Variants in ERN1 observed in about 807,000 individuals in gnomAD.
The protein encoded by ERN1 is endoplasmic reticulum to nucleus signaling 1.
Under a neutral mutation model 113.1 loss-of-function variants are expected in ERN1, and 39 were observed. That is an observed-to-expected ratio of 0.34 (90% CI 0.27 to 0.45). The LOEUF is 0.45. Among genes scored for constraint, ERN1 ranks in the 20% least tolerant of loss-of-function variants. The pLI is 1.00. For synonymous variants in ERN1, 507 were observed against 515.9 expected (o/e 0.98, Z 0.23); for missense variants, 976 against 1,274.8 (o/e 0.77, Z 3.57).
At position 64,044,126 on chromosome 17, in the gene ERN1, G is replaced by A; in HGVS notation, c.2796C>T (p.Tyr932=). The A allele has an allele frequency of 1.2e-6, 2 of 1,610,258 alleles. No individual in the cohort carries two copies. The highest frequency in any genetic ancestry group is 1.7e-6 in the Non-Finnish European group (2 of 1,177,830). The part of the protein sequence containing the change: ...LGSLPDDFVC[Y]FTSRFPHLLA... ...GGAGGTGGGGGAAGCGAGATGTGAA[G>A]TAGCACACGAAGTCGTCGGGGAGGG... Residue 932 remains tyrosine (Y), a synonymous_variant, in exon 22 of 22, where the codon TAC becomes TAT. Coordinates refer to ENST00000433197, the MANE Select transcript of ERN1 (RefSeq NM_001433.5). The surrounding 1 kb of genome is among the most constrained non-coding windows in gnomAD (Gnocchi z 4.1).
Position 64,039,888 on chromosome 17 carries a change from T to C in ERN1, c.*4100A>G, listed in dbSNP as rs1481563239. On this transcript the variant is annotated 3_prime_UTR_variant, in exon 22 of 22. Coordinates refer to ENST00000433197, the MANE Select transcript of ERN1 (RefSeq NM_001433.5). ...GGGAGGCTCACTGCAGTCACGTTCTTTGTGGCTTTCCAACGTCTACAGAAA... is the reference window on the plus strand; with the variant it reads ...GGGAGGCTCACTGCAGTCACGTTCTCTGTGGCTTTCCAACGTCTACAGAAA... 1 of 152,210 alleles carries C rather than the reference T, an allele frequency of 6.6e-6. No homozygotes were observed. The highest frequency in any genetic ancestry group is 1.5e-5 in the Non-Finnish European group (1 of 68,044). 9.4% of individuals were successfully genotyped at this position (152,210 alleles called of 1,614,324 possible). A position where few individuals can be genotyped will look rare whatever the true frequency, so the allele number is the denominator to read the frequency against.
At chr17:64,080,858 A>T in intron 2 of ERN1, 50 bp from the exon 3 acceptor site, 1 of 1,579,722 alleles carries the variant, frequency 6.3e-7, no homozygotes. Flanking sequence ...CAAAATGTCA[A>T]GATTCCCAGA....
In ERN1 at chr17:64,044,010, G is replaced by C. The variant is rs551030753; in HGVS notation, c.2912C>G (p.Pro971Arg). The C allele has an allele frequency of 6.2e-7, 1 of 1,611,784 alleles. No homozygotes were observed. Among genetic ancestry groups the C allele is most frequent in the Non-Finnish European group, 8.5e-7 (1 of 1,178,822 alleles). Residue 971 changes from proline (P) to arginine (R), a missense_variant, in exon 22 of 22, where the codon CCA (proline) becomes CGA (arginine). By Grantham distance (103) the Pro-to-Arg change is moderately radical. This residue lies in a region of ERN1 where 92 missense variants were observed against 87.3 expected (regional missense o/e 1.05). Coordinates refer to ENST00000433197, the MANE Select transcript of ERN1 (RefSeq NM_001433.5). The surrounding 1 kb of genome is among the most constrained non-coding windows in gnomAD (Gnocchi z 4.1). ...CGCTCAGAGGGCGTCTGGAGTCACTGGGGGCTGGGGCTCTGGGGGCTCGTG... is the reference window on the plus strand; with the variant it reads ...CGCTCAGAGGGCGTCTGGAGTCACTCGGGGCTGGGGCTCTGGGGGCTCGTG... Reference protein sequence around the residue: ...YFHEPPEPQPPVTPDAL With the variant: ...YFHEPPEPQPRVTPDAL
chr17:64,116,840 C>G (rs899381710), intron 1 of ERN1, among the ~76,000 whole-genome samples: 1 of 151,556 alleles, frequency 6.6e-6, no homozygotes, highest in Non-Finnish European at 1.5e-5. Context: ...AGCGGTGGCT[C>G]ATGCCTGTAA....
chr17:64,043,992 A>C lies in ERN1; in HGVS notation c.2930T>G (p.Leu977Arg), dbSNP rs2143309663. 2.5e-6 allele frequency: 4 copies of C among 1,607,146 alleles called. No individual in the cohort carries two copies. The South Asian group carries it at 4.4e-5, about 18-fold the overall frequency. The part of the protein sequence containing the change: ...EPQPPVTPDA[L>R] The stretch of plus-strand genomic sequence containing the variant: ...GAACAGAGGGGCCGCCCTCGCTCAG[A>C]GGGCGTCTGGAGTCACTGGGGGCTG... The change falls in exon 22 of 22, where the codon CTC becomes CGC. Residue 977 changes from leucine (L) to arginine (R), a missense_variant. Around this residue, in one of 5 missense-constraint regions of ERN1, gnomAD observed 92 missense variants for 87.3 expected, o/e 1.05. Transcript: ENST00000433197.
chr17:64,048,411 G>C (rs1410938771), intron 18 of ERN1, among the ~76,000 whole-genome samples: 3 of 152,192 alleles, frequency 2.0e-5, no homozygotes, highest in Admixed American at 2.0e-4. Context: ...TATATGCAAA[G>C]GTATCAATAG....
chr17:64,085,141 T>A (rs1407657590), intron 2 of ERN1, among the ~76,000 whole-genome samples: 1 of 152,228 alleles, frequency 6.6e-6, no homozygotes, highest in African/African-American at 2.4e-5. Context: ...CCAACGTATT[T>A]GCTGAATGGA....
In ERN1 at chr17:64,103,709, T is replaced by C. The variant is rs1914447566; in HGVS notation, c.55-5468A>G. Among the ~76,000 whole-genome samples the C allele has an allele frequency of 5.3e-5, 8 of 152,160 alleles. No homozygotes were observed. In the South Asian group the frequency reaches 1.7e-3, roughly 32 times the overall value. ...AGGGCTCTTCCATTAATTAACTACT[T>C]ATATATATTTCAGGTAAGAAAAAAA... On this transcript the variant is annotated intron_variant, in intron 1 of 21. Coordinates refer to ENST00000433197, the MANE Select transcript of ERN1 (RefSeq NM_001433.5).
At position 64,046,301 on chromosome 17, in the gene ERN1, C is replaced by T. The variant is rs907841370; in HGVS notation, c.2530-819G>A. 2.6e-5 allele frequency among the ~76,000 whole-genome samples: 4 copies of T among 152,314 alleles called. 1 individual carries two copies. The South Asian group carries it at 8.3e-4, about 32-fold the overall frequency. ...TCAACTTGGGTACACTGGGAACACA[C>T]GTGTCTGAGCTGCAAAGCTGTTACG... On this transcript the variant is annotated intron_variant, in intron 19 of 21. Coordinates refer to ENST00000433197, the MANE Select transcript of ERN1 (RefSeq NM_001433.5).
chr17:64,109,778 G>A (rs1048671040), intron 1 of ERN1, among the ~76,000 whole-genome samples: 2 of 152,176 alleles, frequency 1.3e-5, no homozygotes, highest in Admixed American at 1.3e-4. Flanking sequence ...CACAGGACTG[G>A]AACCAAGGTC....
chr17:64,130,131 A>C lies in ERN1; in HGVS notation c.-102T>G. Reference sequence around the variant, plus strand: ...GTGACCGAGCCTCAGCGGACGCAGAACTGACTAGGCAGCGGCGGCACCCCC... The same window carrying C: ...GTGACCGAGCCTCAGCGGACGCAGACCTGACTAGGCAGCGGCGGCACCCCC... On this transcript the variant is annotated 5_prime_UTR_variant, in exon 1 of 22. Coordinates refer to ENST00000433197, the MANE Select transcript of ERN1 (RefSeq NM_001433.5). This position sits in a 1 kb window ranked among gnomAD's most constrained non-coding sequence, Gnocchi z 4.0. 9.2e-7 allele frequency: 1 copy of C among 1,090,592 alleles called. No homozygotes were observed. The highest frequency in any genetic ancestry group is 3.0e-5 in the South Asian group (1 of 32,832). 67.6% of individuals were successfully genotyped at this position (1,090,592 alleles called of 1,614,324 possible). A position where few individuals can be genotyped will look rare whatever the true frequency, so the allele number is the denominator to read the frequency against.
chr17:64,069,424 A>G (rs1274785652), intron 6 of ERN1, among the ~76,000 whole-genome samples: 2 of 152,222 alleles, frequency 1.3e-5, no homozygotes, highest in East Asian at 3.9e-4. Flanking sequence ...CAAGGAACGG[A>G]CTGAGAAAGA....
intron 2 of ERN1, among the ~76,000 whole-genome samples, chr17:64,086,830 A>G (rs1913946888): frequency 1.3e-5 from 2 of 151,558 alleles, no homozygotes; most frequent in African/African-American, 4.8e-5. Flanking sequence ...TATTTGTAGT[A>G]GAGATGGGGT....
intron 2 of ERN1, among the ~76,000 whole-genome samples, chr17:64,089,832 G>A (rs1357091664): frequency 6.6e-6 from 1 of 152,136 alleles, no homozygotes. Context: ...ACAGGTAACA[G>A]TGAAACTAGA....
chr17:64,108,759 C>A (rs1253588165), intron 1 of ERN1, among the ~76,000 whole-genome samples: 2 of 152,138 alleles, frequency 1.3e-5, no homozygotes, highest in Admixed American at 6.6e-5. Flanking sequence ...TGTATGTGCA[C>A]CATTGGCCTT....
intron 2 of ERN1, among the ~76,000 whole-genome samples, chr17:64,081,917 C>G (rs139620312): frequency 2.6e-5 from 4 of 152,254 alleles, no homozygotes; most frequent in Middle Eastern, 6.8e-3. Flanking sequence ...TCCAAAAGTC[C>G]GCAGGCAGGA....
At chr17:64,064,721 G>C (rs997677972) in intron 9 of ERN1, among the ~76,000 whole-genome samples, 1 of 152,212 alleles carries the variant, frequency 6.6e-6, no homozygotes, top group Admixed American at 6.5e-5. Context: ...GCCCAAGGAG[G>C]CTCGGCGAGA....
In ERN1 at chr17:64,043,768, T is replaced by G; in HGVS notation, c.*220A>C. The G allele has an allele frequency of 2.2e-6, 1 of 445,248 alleles. No homozygotes were observed. Among genetic ancestry groups the G allele is most frequent in the Non-Finnish European group, 4.0e-6 (1 of 252,110 alleles). 27.6% of individuals were successfully genotyped at this position (445,248 alleles called of 1,614,324 possible). On this transcript the variant is annotated 3_prime_UTR_variant, in exon 22 of 22. Transcript: ENST00000433197. ...GCAGACATCATGACCGTAAGGCTTT[T>G]GGGGCCAGCATCTTCCCAGTTCCCT... is the stretch of plus-strand genomic sequence containing the variant.
chr17:64,045,618 C>T, intron 19 of ERN1, 136 bp from the exon 20 acceptor site: 1 of 1,000,290 alleles, frequency 1.0e-6, no homozygotes, highest in South Asian at 1.5e-5. Flanking sequence ...CTGCCCCCTC[C>T]CTCCCTCATC....
Sources: allele counts gnomAD v4.1 joint callset (sites outside exome capture counted in the v4.1 genomes callset), GRCh38; gene constraint gnomAD v4.1.1; regional missense constraint gnomAD v4.1.1; non-coding constraint Gnocchi (gnomAD v3.1); transcripts MANE v1.5; gene names NCBI Gene and HGNC (gene_info 2026-07-23, HGNC 2026-07-21).